CAMTA1: variants seen among roughly 807,000 people sequenced by gnomAD.
CAMTA1 encodes calmodulin-binding transcription activator 1.
In CAMTA1, 27 loss-of-function variants were observed where a neutral mutation model predicts 170.9. That is an observed-to-expected ratio of 0.16 (90% CI 0.12 to 0.22). The LOEUF (loss-of-function observed/expected upper bound fraction) is 0.22. CAMTA1 is among the 10% of genes least tolerant of loss of function. The pLI, the probability that CAMTA1 is intolerant of heterozygous loss-of-function variation, is 1.00. For synonymous variants in CAMTA1, 833 were observed against 891.5 expected (o/e 0.93, Z 1.17); for missense variants, 1,619 against 2,217.2 (o/e 0.73, Z 5.42).
chr1:7,667,213 C>T (rs991951620), intron 9 of CAMTA1, among the ~76,000 whole-genome samples: 3 of 152,074 alleles, frequency 2.0e-5, no homozygotes, highest in Non-Finnish European at 4.4e-5. Flanking sequence ...TTATCAGTGA[C>T]TCTGAGCTCA....
In CAMTA1 at chr1:7,702,427, A is replaced by C. The variant is rs55998208; in HGVS notation, c.2914+24694A>C. 5.4e-3 allele frequency among the ~76,000 whole-genome samples: 816 copies of C among 152,338 alleles called. 3 individuals carry two copies. Among genetic ancestry groups the C allele is most frequent in the African/African-American group, 0.019 (779 of 41,584 alleles). ...GATTCCTTCTCTTTAACTGGGCTTC[A>C]GGTGCCTGAACTGGATCCAAATCAC... On this transcript the variant is annotated intron_variant, in intron 11 of 22. Coordinates refer to ENST00000303635, the MANE Select transcript of CAMTA1 (RefSeq NM_015215.4).
At chr1:7,313,468 C>T (rs1409161204) in intron 5 of CAMTA1, among the ~76,000 whole-genome samples, 2 of 152,216 alleles carry the variant, frequency 1.3e-5, no homozygotes, top group Non-Finnish European at 2.9e-5. Flanking sequence ...CAGCGGTAGA[C>T]GTCCTCGTTA....
At position 7,234,788 on chromosome 1, in the gene CAMTA1, CTTTTT is replaced by C. The variant is rs34493681; in HGVS notation, c.303-14690_303-14686del. On this transcript the variant is annotated intron_variant, in intron 4 of 22. Coordinates refer to ENST00000303635, the MANE Select transcript of CAMTA1 (RefSeq NM_015215.4). The surrounding 1 kb of genome is among the most constrained non-coding windows in gnomAD (Gnocchi z 5.0). ...GGGAAATTGGAAAATACAAGTTGAC[CTTTTT>C]TTTTTTTTTTTTAGATAGAGTCTCA... Among the ~76,000 whole-genome samples, 1 of 136,422 alleles carries C rather than the reference CTTTTT, an allele frequency of 7.3e-6. No individual in the cohort carries two copies. The highest frequency in any genetic ancestry group is 1.6e-5 in the Non-Finnish European group (1 of 64,126). 89.5% of individuals were successfully genotyped at this position (136,422 alleles called of 152,430 possible). A position where few individuals can be genotyped will look rare whatever the true frequency, so the allele number is the denominator to read the frequency against.
At position 7,641,402 on chromosome 1, in the gene CAMTA1, T is replaced by C. The variant is rs1200911733; in HGVS notation, c.664+849T>C. ...TCAGTGGCTCACTCAGAAGCAGAAC[T>C]GTCCCTGGAGCTGGGCTGGAGGGAG... On this transcript the variant is annotated intron_variant, in intron 7 of 22. Transcript: ENST00000303635. The surrounding 1 kb of genome is among the most constrained non-coding windows in gnomAD (Gnocchi z 4.5). Among the ~76,000 whole-genome samples, 1 of 152,182 alleles carries C rather than the reference T, an allele frequency of 6.6e-6. No homozygotes were observed. The highest frequency in any genetic ancestry group is 2.4e-5 in the African/African-American group (1 of 41,450).
intron 5 of CAMTA1, among the ~76,000 whole-genome samples, chr1:7,288,100 G>A (rs377063475): frequency 1.2e-4 from 19 of 152,232 alleles, no homozygotes; most frequent in African/African-American, 4.6e-4. Flanking sequence ...TCCGTATTAC[G>A]TATGGATAAC....
At chr1:6,937,353 TCATCAC>T (rs1249595627) in intron 3 of CAMTA1, among the ~76,000 whole-genome samples, 5 of 135,706 alleles carry the variant, frequency 3.7e-5, no homozygotes, top group Admixed American at 7.6e-5. Context: ...ACCACCACCG[TCATCAC>T]CATCACCATC....
In CAMTA1 at chr1:7,028,447, G is replaced by C. The variant is rs527352262; in HGVS notation, c.235-62857G>C. The stretch of plus-strand genomic sequence containing the variant: ...GCCTCTTGGTTTCTCCAACTTCTGA[G>C]GCTGTCTCTAGCACAGGTGTCTTCA... On this transcript the variant is annotated intron_variant, in intron 3 of 22. Transcript: ENST00000303635. Among the ~76,000 whole-genome samples the C allele has an allele frequency of 5.9e-5, 9 of 152,288 alleles. No individual in the cohort carries two copies. In the South Asian group the frequency reaches 1.9e-3, roughly 32 times the overall value.
chr1:7,575,046 T>G (rs1054138046), intron 6 of CAMTA1, among the ~76,000 whole-genome samples: 1 of 152,258 alleles, frequency 6.6e-6, no homozygotes, highest in African/African-American at 2.4e-5. Flanking sequence ...TGCTTCTGTC[T>G]GTGCCTCTGT....
chr1:7,184,775 G>C (rs1375376514), intron 4 of CAMTA1, among the ~76,000 whole-genome samples: 1 of 152,164 alleles, frequency 6.6e-6, no homozygotes, highest in Admixed American at 6.6e-5. Flanking sequence ...TCATGGGCTA[G>C]AGACGAAGCC....
chr1:7,103,886 TAC>T lies in CAMTA1; in HGVS notation c.302+12521_302+12522del, dbSNP rs1401044769. 4.4e-5 allele frequency among the ~76,000 whole-genome samples: 6 copies of T among 135,388 alleles called. No individual in the cohort carries two copies. The East Asian group carries it at 6.9e-4, about 16-fold the overall frequency. The allele number at this position is 135,388 out of a possible 152,430, so 88.8% of individuals were successfully genotyped here. ...ACACACACACACAACTACACACATG[TAC>T]ACACAACACACAACTACACGCGCAC... On this transcript the variant is annotated intron_variant, in intron 4 of 22. Coordinates refer to ENST00000303635, the MANE Select transcript of CAMTA1 (RefSeq NM_015215.4).
intron 4 of CAMTA1, among the ~76,000 whole-genome samples, chr1:7,111,397 A>C (rs1049573060): frequency 6.6e-6 from 1 of 152,174 alleles, no homozygotes; most frequent in African/African-American, 2.4e-5. Context: ...GTTTTATAGA[A>C]ATTTCTATTG....
intron 11 of CAMTA1, among the ~76,000 whole-genome samples, chr1:7,691,041 G>A (rs1337368032): frequency 1.3e-5 from 2 of 152,224 alleles, no homozygotes; most frequent in African/African-American, 2.4e-5. Flanking sequence ...CGAGCTTCCC[G>A]TCCAGGGGAG....
At chr1:7,118,657 C>G (rs140009091) in intron 4 of CAMTA1, among the ~76,000 whole-genome samples, 27 of 152,200 alleles carry the variant, frequency 1.8e-4, no homozygotes, top group Non-Finnish European at 3.2e-4. Context: ...TGTCTCTACA[C>G]ATCGTTTGAA....
intron 5 of CAMTA1, among the ~76,000 whole-genome samples, chr1:7,423,062 T>G (rs2091665577): frequency 6.6e-6 from 1 of 152,076 alleles, no homozygotes; most frequent in Non-Finnish European, 1.5e-5. Flanking sequence ...ATAAGGCTCA[T>G]GAAGACAGCA....
chr1:7,308,837 G>T (rs1484845220), intron 5 of CAMTA1, among the ~76,000 whole-genome samples: 2 of 152,154 alleles, frequency 1.3e-5, no homozygotes, highest in Admixed American at 6.5e-5. Context: ...AGTTGGAGTT[G>T]GTTGATGGTG....
intron 1 of CAMTA1, among the ~76,000 whole-genome samples, chr1:6,816,070 C>T (rs1007278788): frequency 1.3e-5 from 2 of 152,182 alleles, no homozygotes; most frequent in African/African-American, 2.4e-5. Context: ...GACATTCTGA[C>T]GTAATTGGTT....
At chr1:7,219,849 A>G (rs1239618854) in intron 4 of CAMTA1, among the ~76,000 whole-genome samples, 1 of 152,184 alleles carries the variant, frequency 6.6e-6, no homozygotes, top group Non-Finnish European at 1.5e-5. Flanking sequence ...CAGCCTGGGC[A>G]ACACAGGGAG....
rs150445248 is a variant in CAMTA1, at chr1:7,490,509, G to A, written c.510+22608G>A. Among the ~76,000 whole-genome samples the A allele has an allele frequency of 8.0e-3, 1,216 of 152,270 alleles. 18 individuals carry two copies. Among genetic ancestry groups the A allele is most frequent in the African/African-American group, 0.026 (1,095 of 41,548 alleles). On this transcript the variant is annotated intron_variant, in intron 6 of 22. Transcript: ENST00000303635. ...TCTACTAAAAATACAAAAATTAGCCGGGCGTAGTGGCACGTGCCTGCAATC... is the reference window on the plus strand; with the variant it reads ...TCTACTAAAAATACAAAAATTAGCCAGGCGTAGTGGCACGTGCCTGCAATC...
At chr1:7,537,498 G>A (rs1378865483) in intron 6 of CAMTA1, among the ~76,000 whole-genome samples, 9 of 152,330 alleles carry the variant, frequency 5.9e-5, no homozygotes, top group Admixed American at 5.9e-4. Context: ...AGGCGTCTGT[G>A]CACAGCGGGG....
Sources: allele counts gnomAD v4.1 joint callset (sites outside exome capture counted in the v4.1 genomes callset), GRCh38; gene constraint gnomAD v4.1.1; non-coding constraint Gnocchi (gnomAD v3.1); transcripts MANE v1.5; gene names NCBI Gene and HGNC (gene_info 2026-07-23, HGNC 2026-07-21).